The following CFTR variants were observed in gnomAD, a reference collection of about 807,000 sequenced individuals.
The protein encoded by CFTR is cystic fibrosis transmembrane conductance regulator.
A neutral mutation model predicts 171.6 loss-of-function variants in CFTR; 181 were observed. The observed-to-expected ratio is 1.05, with a 90% CI of 0.93 to 1.19. CFTR has a LOEUF of 1.19. Ranked by LOEUF, CFTR falls within the 50% of genes most tolerant of loss-of-function variation. CFTR has a pLI of 0.00. For synonymous variants in CFTR, 583 were observed against 608.0 expected, an observed-to-expected ratio of 0.96 and a Z score of 0.60; for missense variants, 1,968 against 1,734.7, an observed-to-expected ratio of 1.13 and a Z score of -2.39.
chr7:117,569,170 G>C (rs774544464), intron 11 of CFTR, among the ~76,000 whole-genome samples: 1 of 152,148 alleles, frequency 6.6e-6, no homozygotes, highest in Non-Finnish European at 1.5e-5. Flanking sequence ...AGTATAAGAA[G>C]ACTGGACTGA....
chr7:117,548,473 T>C (rs986856621), intron 9 of CFTR, among the ~76,000 whole-genome samples, 168 bp from the exon 10 acceptor site: 3 of 152,030 alleles, frequency 2.0e-5, no homozygotes, highest in Admixed American at 2.0e-4. Flanking sequence ...AGAAACCGTA[T>C]GCTATATAAT....
chr7:117,647,444 G>C (rs7457653), intron 23 of CFTR: 1 of 152,144 alleles, frequency 6.6e-6, no homozygotes, highest in Non-Finnish European at 1.5e-5. Flanking sequence ...TAAGAAGCAG[G>C]CATGTTACAC....
chr7:117,485,491 G>A (rs762159214), intron 1 of CFTR, among the ~76,000 whole-genome samples: 2 of 152,104 alleles, frequency 1.3e-5, no homozygotes, highest in African/African-American at 2.4e-5. Flanking sequence ...ATTTCTGTTG[G>A]TTCTCTTCAG....
chr7:117,519,992 A>C (rs1798661393), intron 3 of CFTR, among the ~76,000 whole-genome samples: 1 of 152,036 alleles, frequency 6.6e-6, no homozygotes, highest in African/African-American at 2.4e-5. Context: ...CTAAACTATG[A>C]AAATTCAGTC....
intron 11 of CFTR, among the ~76,000 whole-genome samples, chr7:117,565,392 G>A (rs781110159): frequency 1.3e-4 from 20 of 152,138 alleles, no homozygotes; most frequent in Admixed American, 5.2e-4. Flanking sequence ...AGTCTACCAC[G>A]TAGTCCCATG....
At chr7:117,610,954 T>C (rs757343896) in intron 19 of CFTR, among the ~76,000 whole-genome samples, 2 of 152,114 alleles carry the variant, frequency 1.3e-5, no homozygotes, top group Non-Finnish European at 2.9e-5. Flanking sequence ...AATAAACTTA[T>C]ATCAGTCAAA....
At chr7:117,525,560 G>T (rs1439751106) in intron 3 of CFTR, among the ~76,000 whole-genome samples, 28 of 84,440 alleles carry the variant, frequency 3.3e-4, no homozygotes, top group Middle Eastern at 4.1e-3. Flanking sequence ...ATGAATCTGG[G>T]TGCTCCTGTA....
At chr7:117,593,158 A>G (rs539178464) in intron 14 of CFTR, among the ~76,000 whole-genome samples, 5 of 152,124 alleles carry the variant, frequency 3.3e-5, no homozygotes, top group Admixed American at 1.3e-4. Context: ...GCTTTTTTTT[A>G]TCTTGTGAGT....
intron 1 of CFTR, among the ~76,000 whole-genome samples, chr7:117,501,529 T>C (rs1462964185): frequency 1.3e-5 from 2 of 151,760 alleles, no homozygotes; most frequent in South Asian, 2.1e-4. Flanking sequence ...GTGGATTGCC[T>C]GAAGTCAGGG....
intron 24 of CFTR, among the ~76,000 whole-genome samples, chr7:117,663,172 A>G (rs186489909): frequency 6.6e-6 from 1 of 152,286 alleles, no homozygotes; most frequent in Admixed American, 6.5e-5. Flanking sequence ...TTTGTTTTTT[A>G]AAAAAGATAG....
chr7:117,659,201 A>G (rs1793226726), intron 24 of CFTR, among the ~76,000 whole-genome samples: 1 of 151,816 alleles, frequency 6.6e-6, no homozygotes, highest in Admixed American at 6.6e-5. Context: ...CTCTCCTTAC[A>G]CATCACTTCT....
rs538919294 is a variant in CFTR, at chr7:117,600,542, C to T, written c.2620-2284C>T. Among the ~76,000 whole-genome samples, 3 of 152,094 alleles carry T rather than the reference C, an allele frequency of 2.0e-5. No individual in the cohort carries two copies. In the East Asian group the frequency reaches 5.8e-4, roughly 29 times the overall value. ...TTGTTGATTAGAAATCCCTGAGTGG[C>T]TTTACATTATTAGTACAGTAGATAT... is the stretch of plus-strand genomic sequence containing the variant. On this transcript the variant is annotated intron_variant, in intron 15 of 26. Coordinates refer to ENST00000003084, the MANE Select transcript of CFTR (RefSeq NM_000492.4).
chr7:117,547,851 G>T (rs923686942), intron 9 of CFTR, among the ~76,000 whole-genome samples: 1 of 152,118 alleles, frequency 6.6e-6, no homozygotes, highest in Non-Finnish European at 1.5e-5. Context: ...AGGGAAGTAG[G>T]TCAGGAGAAA....
At chr7:117,599,283 CT>C (rs1792186132) in intron 15 of CFTR, among the ~76,000 whole-genome samples, 1 of 152,090 alleles carries the variant, frequency 6.6e-6, no homozygotes. Flanking sequence ...TTCAACTTAT[CT>C]GAATGTGGTA....
intron 2 of CFTR, among the ~76,000 whole-genome samples, chr7:117,507,911 A>C (rs1266263228): frequency 1.3e-5 from 2 of 152,166 alleles, no homozygotes; most frequent in Non-Finnish European, 2.9e-5. Flanking sequence ...CAGTCTCCTG[A>C]GTAGCTGGGA....
chr7:117,598,411 A>G (rs1792172339), intron 15 of CFTR, among the ~76,000 whole-genome samples: 1 of 152,216 alleles, frequency 6.6e-6, no homozygotes, highest in Admixed American at 6.5e-5. Context: ...CTGAGACCCA[A>G]ACTTACAACT....
intron 10 of CFTR, among the ~76,000 whole-genome samples, chr7:117,556,768 C>G (rs1235791618): frequency 6.6e-6 from 1 of 151,170 alleles, no homozygotes; most frequent in Non-Finnish European, 1.5e-5. Flanking sequence ...ATCCGCCCGC[C>G]TCGGCCTCCC....
intron 23 of CFTR, among the ~76,000 whole-genome samples, chr7:117,644,336 C>T (rs553760191): frequency 4.6e-5 from 7 of 151,592 alleles, no homozygotes; most frequent in African/African-American, 1.2e-4. Flanking sequence ...TTTTTGATGT[C>T]GAAACCAAGA....
intron 1 of CFTR, among the ~76,000 whole-genome samples, chr7:117,495,028 A>G (rs1798216341): frequency 6.6e-6 from 1 of 152,150 alleles, no homozygotes. Context: ...TTTCTACTAT[A>G]AAATCTTAAG....
Sources: allele counts gnomAD v4.1 joint callset (sites outside exome capture counted in the v4.1 genomes callset), GRCh38; gene constraint gnomAD v4.1.1; transcripts MANE v1.5; gene names NCBI Gene and HGNC (gene_info 2026-07-23, HGNC 2026-07-21).